Variants in DISC1 observed in about 807,000 individuals in gnomAD.
The protein encoded by DISC1 is DISC1 scaffold protein, also known as disrupted in schizophrenia 1 protein.
Under a neutral mutation model 84.5 loss-of-function variants are expected in DISC1, and 57 were observed. The ratio of observed to expected loss-of-function variants is 0.67; its 90% CI spans 0.55 to 0.84. DISC1 has a LOEUF of 0.84. DISC1 is among the 40% of genes least tolerant of loss of function. The pLI, the probability that DISC1 is intolerant of heterozygous loss-of-function variation, is 0.00. For synonymous variants in DISC1, 411 were observed against 415.2 expected (o/e 0.99, Z 0.12); for missense variants, 1,000 against 1,057.8 (o/e 0.95, Z 0.76).
intron 1 of DISC1, among the ~76,000 whole-genome samples, chr1:231,656,291 T>C (rs1322583216): frequency 6.6e-6 from 1 of 152,200 alleles, no homozygotes; most frequent in African/African-American, 2.4e-5. Context: ...CCAGTTTCAT[T>C]CTTCTACATG....
chr1:231,980,345 A>G (rs199856692), intron 10 of DISC1, among the ~76,000 whole-genome samples: 2 of 152,316 alleles, frequency 1.3e-5, no homozygotes, highest in South Asian at 2.1e-4. Flanking sequence ...CTATCAGAAA[A>G]GGGTCAGTCC....
At chr1:231,970,511 A>G (rs568976241) in intron 10 of DISC1, among the ~76,000 whole-genome samples, 22 of 152,336 alleles carry the variant, frequency 1.4e-4, no homozygotes, top group Non-Finnish European at 2.9e-4. Flanking sequence ...ACTTAGCTGC[A>G]TGGGAAGAAT....
chr1:232,023,432 G>A (rs957926349), intron 11 of DISC1, among the ~76,000 whole-genome samples: 3 of 151,384 alleles, frequency 2.0e-5, no homozygotes, highest in African/African-American at 7.3e-5. Flanking sequence ...TTATTACAAG[G>A]GCTTAATAAA....
chr1:231,904,358 A>C (rs1374095235), intron 9 of DISC1, among the ~76,000 whole-genome samples: 1 of 152,124 alleles, frequency 6.6e-6, no homozygotes, highest in East Asian at 1.9e-4. Context: ...TTAGCAATTT[A>C]GTCCTAAATA....
intron 9 of DISC1, among the ~76,000 whole-genome samples, chr1:231,899,423 T>G (rs1571910127): frequency 6.6e-6 from 1 of 152,192 alleles, no homozygotes; most frequent in Non-Finnish European, 1.5e-5. Context: ...CATGACCTCC[T>G]TCCAGGTTCT....
chr1:231,887,614 C>G (rs537087827), intron 9 of DISC1, among the ~76,000 whole-genome samples: 3 of 152,218 alleles, frequency 2.0e-5, no homozygotes, highest in Admixed American at 6.5e-5. Flanking sequence ...TGGGCAGTTA[C>G]GACCTGGACA....
intron 1 of DISC1, among the ~76,000 whole-genome samples, chr1:231,673,237 A>G (rs2062795830): frequency 1.3e-5 from 2 of 151,432 alleles, no homozygotes; most frequent in Admixed American, 1.3e-4. Flanking sequence ...CATATCTTCC[A>G]CTCCATTACT....
chr1:231,742,311 G>A (rs201821930), intron 3 of DISC1, among the ~76,000 whole-genome samples: 76 of 152,342 alleles, frequency 5.0e-4, no homozygotes, highest in Non-Finnish European at 1.0e-3. Context: ...GAGGTAGGAT[G>A]CACCCTTATG....
intron 10 of DISC1, among the ~76,000 whole-genome samples, chr1:231,973,324 G>A (rs1432649565): frequency 6.6e-6 from 1 of 152,102 alleles, no homozygotes; most frequent in African/African-American, 2.4e-5. Flanking sequence ...GGGATTATAG[G>A]CGTGAGCCAC....
chr1:231,882,319 C>A (rs1014926580), intron 9 of DISC1, among the ~76,000 whole-genome samples: 2 of 152,084 alleles, frequency 1.3e-5, no homozygotes, highest in Non-Finnish European at 2.9e-5. Flanking sequence ...TGGAACACGG[C>A]GATGTTTTCT....
At chr1:231,688,240 G>A (rs2064548211) in intron 1 of DISC1, among the ~76,000 whole-genome samples, 1 of 152,088 alleles carries the variant, frequency 6.6e-6, no homozygotes, top group African/African-American at 2.4e-5. Flanking sequence ...GTGTGTGTGT[G>A]TTGTGTTTGC....
intron 3 of DISC1, among the ~76,000 whole-genome samples, chr1:231,711,826 T>C (rs1573109568): frequency 6.6e-6 from 1 of 152,126 alleles, no homozygotes; most frequent in East Asian, 1.9e-4. Context: ...AAACCTCTTG[T>C]TTTAGTTATT....
At chr1:231,654,969 C>G (rs994585218) in intron 1 of DISC1, among the ~76,000 whole-genome samples, 1 of 152,164 alleles carries the variant, frequency 6.6e-6, no homozygotes, top group Non-Finnish European at 1.5e-5. Context: ...CACTCAAAAG[C>G]CTTTTCAATC....
intron 6 of DISC1, among the ~76,000 whole-genome samples, chr1:231,785,537 GC>G (rs1285303617): frequency 6.6e-6 from 1 of 151,900 alleles, no homozygotes; most frequent in Non-Finnish European, 1.5e-5. Context: ...CAAGTGATCT[GC>G]CCATCTTGGC....
At chr1:231,942,443 T>A (rs1266977334) in intron 9 of DISC1, among the ~76,000 whole-genome samples, 1 of 152,124 alleles carries the variant, frequency 6.6e-6, no homozygotes, top group African/African-American at 2.4e-5. Flanking sequence ...GCGGGCAGAT[T>A]TACTTGAGGT....
intron 1 of DISC1, among the ~76,000 whole-genome samples, chr1:231,634,825 T>A (rs535240410): frequency 1.3e-5 from 2 of 151,986 alleles, no homozygotes; most frequent in Admixed American, 6.6e-5. Context: ...GCGGGAGGAT[T>A]GCTTGAGGCC....
chr1:231,692,904 C>T (rs1003349052), intron 1 of DISC1, among the ~76,000 whole-genome samples: 2 of 152,190 alleles, frequency 1.3e-5, no homozygotes, highest in Non-Finnish European at 2.9e-5. Context: ...TAAATTAAAA[C>T]ACATTATGAG....
chr1:231,639,532 CTTCAACTTGCT>C (rs2059459879), intron 1 of DISC1, among the ~76,000 whole-genome samples: 2 of 152,342 alleles, frequency 1.3e-5, no homozygotes, highest in South Asian at 4.1e-4. Flanking sequence ...GATCAGAATA[CTTCAACTTGCT>C]TGCTATTGTT....
chr1:231,849,629 T>C (rs916533028), intron 9 of DISC1, among the ~76,000 whole-genome samples: 5 of 152,180 alleles, frequency 3.3e-5, no homozygotes, highest in Non-Finnish European at 5.9e-5. Flanking sequence ...GCTTATCAAA[T>C]GATCCTTTAG....
Sources: allele counts gnomAD v4.1 joint callset (sites outside exome capture counted in the v4.1 genomes callset), GRCh38; gene constraint gnomAD v4.1.1; transcripts MANE v1.5; gene names NCBI Gene and HGNC (gene_info 2026-07-23, HGNC 2026-07-21).